The following LAMA2 variants were observed in gnomAD, a reference collection of about 807,000 sequenced individuals.
LAMA2 encodes laminin subunit alpha 2.
In LAMA2, 269 loss-of-function variants were observed where a neutral mutation model predicts 364.8. That is an observed-to-expected ratio of 0.74 (90% CI 0.67 to 0.82). The LOEUF is 0.82. LAMA2 is among the 40% of genes least tolerant of loss of function. The probability of loss-of-function intolerance (pLI) is 0.00; values close to 1 mark genes in which losing one functional copy is unlikely to be tolerated. For synonymous variants in LAMA2, 1,379 were observed against 1,370.6 expected (o/e 1.01, Z -0.14); for missense variants, 3,807 against 3,873.2 (o/e 0.98, Z 0.45).
At chr6:128,903,357 T>C (rs1261543049) in intron 1 of LAMA2, among the ~76,000 whole-genome samples, 2 of 152,208 alleles carry the variant, frequency 1.3e-5, no homozygotes, top group East Asian at 1.9e-4. Flanking sequence ...TTAGTGTCTT[T>C]GTACATTCTG....
chr6:129,466,484 A>AT (rs1375539185), intron 51 of LAMA2, among the ~76,000 whole-genome samples: 1 of 151,964 alleles, frequency 6.6e-6, no homozygotes, highest in East Asian at 1.9e-4. Flanking sequence ...AGGAAACTCT[A>AT]GAGAAACCTC....
rs183968739 is a variant in LAMA2 at position 128,914,464 on chromosome 6, C to G, written c.112+31107C>G. Among the ~76,000 whole-genome samples, 1,399 of 152,288 alleles carry G rather than the reference C, an allele frequency of 9.2e-3. 39 individuals carry two copies. Among genetic ancestry groups the G allele is most frequent in the Admixed American group, 0.055 (840 of 15,284 alleles). ...TTGTATTATTTAACTGTGTAATCCT[C>G]TATCTCATATATATGTAATACTTTC... On this transcript the variant is annotated intron_variant, in intron 1 of 64. Coordinates refer to ENST00000421865, the MANE Select transcript of LAMA2 (RefSeq NM_000426.4).
intron 12 of LAMA2, among the ~76,000 whole-genome samples, chr6:129,210,220 A>G (rs949955931): frequency 6.6e-6 from 1 of 152,114 alleles, no homozygotes; most frequent in African/African-American, 2.4e-5. Flanking sequence ...AGGCTTTAAA[A>G]AAACAAACAA....
intron 48 of LAMA2, among the ~76,000 whole-genome samples, chr6:129,457,274 G>T (rs908308280): frequency 2.0e-5 from 3 of 152,084 alleles, no homozygotes; most frequent in Non-Finnish European, 2.9e-5. Context: ...TAAAGTATGA[G>T]AATTTATTCC....
At chr6:129,339,208 T>C (rs1776121396) in intron 29 of LAMA2, among the ~76,000 whole-genome samples, 1 of 152,096 alleles carries the variant, frequency 6.6e-6, no homozygotes, top group Non-Finnish European at 1.5e-5. Flanking sequence ...AGTGGCCAGA[T>C]GAAAATAGTA....
At chr6:129,372,763 C>T (rs907827164) in intron 34 of LAMA2, among the ~76,000 whole-genome samples, 2 of 152,178 alleles carry the variant, frequency 1.3e-5, no homozygotes, top group African/African-American at 2.4e-5. Context: ...GCATTCCCAC[C>T]GGCAATAAAT....
chr6:129,448,176 T>C (rs1421679029), intron 45 of LAMA2, among the ~76,000 whole-genome samples: 1 of 152,056 alleles, frequency 6.6e-6, no homozygotes, highest in East Asian at 1.9e-4. Context: ...TCCCAGCTAC[T>C]TGGGGAGATG....
At chr6:129,481,598 C>T (rs914207955) in intron 55 of LAMA2, among the ~76,000 whole-genome samples, 159 bp downstream of exon 55, 4 of 152,158 alleles carry the variant, frequency 2.6e-5, no homozygotes, top group Non-Finnish European at 5.9e-5. Flanking sequence ...CTATTTCACT[C>T]ACATCATCTC....
At chr6:129,475,545 T>C in intron 53 of LAMA2, 144 bp downstream of exon 53, 1 of 607,968 alleles carries the variant, frequency 1.6e-6, no homozygotes, top group Non-Finnish European at 2.9e-6. Context: ...GTGCATTCTG[T>C]GAGAGTTCTC....
At chr6:129,125,256 A>G (rs1388620546) in intron 4 of LAMA2, among the ~76,000 whole-genome samples, 1 of 152,206 alleles carries the variant, frequency 6.6e-6, no homozygotes, top group African/African-American at 2.4e-5. Context: ...AGCATTGCAT[A>G]TGTTAACTGA....
intron 1 of LAMA2, among the ~76,000 whole-genome samples, chr6:128,884,565 T>C (rs907110385): frequency 1.3e-5 from 2 of 152,186 alleles, no homozygotes; most frequent in Non-Finnish European, 2.9e-5. Flanking sequence ...GCTCTTTCTA[T>C]AATAATAACT....
At chr6:129,353,465 CAAT>C (rs1776977190) in intron 32 of LAMA2, 108 bp downstream of exon 32, 5 of 769,884 alleles carry the variant, frequency 6.5e-6, no homozygotes, top group South Asian at 6.2e-5. Flanking sequence ...TTTTTTTTTG[CAAT>C]AGTTATACTC....
At chr6:129,270,357 GAAGT>G (rs1787838191) in intron 16 of LAMA2, among the ~76,000 whole-genome samples, 1 of 150,670 alleles carries the variant, frequency 6.6e-6, no homozygotes, top group Non-Finnish European at 1.5e-5. Flanking sequence ...AAGAAAAAAT[GAAGT>G]AAGATTTGCA....
chr6:129,300,894 T>A, intron 22 of LAMA2, 22 bp downstream of exon 22: 1 of 1,613,392 alleles, frequency 6.2e-7, no homozygotes, highest in Admixed American at 1.7e-5. Context: ...ACTTTTTTGC[T>A]CTGATAATTT....
At chr6:129,097,377 A>C (rs924513596) in intron 3 of LAMA2, among the ~76,000 whole-genome samples, 7 of 152,204 alleles carry the variant, frequency 4.6e-5, no homozygotes, top group Non-Finnish European at 8.8e-5. Flanking sequence ...CAAAACATCT[A>C]GAATATTTCT....
chr6:129,320,846 A>G (rs1366510166), intron 28 of LAMA2, among the ~76,000 whole-genome samples, 191 bp downstream of exon 28: 1 of 152,248 alleles, frequency 6.6e-6, no homozygotes, highest in Non-Finnish European at 1.5e-5. Context: ...GAAGGGAAAT[A>G]GTTGATCAAA....
In LAMA2 at chr6:129,427,860, T is replaced by C; in HGVS notation, c.5968+6T>C. 1.3e-6 allele frequency: 2 copies of C among 1,573,710 alleles called. No individual in the cohort carries two copies. Among genetic ancestry groups the C allele is most frequent in the Non-Finnish European group, 1.7e-6 (2 of 1,143,474 alleles). On this transcript the variant is annotated splice_donor_region_variant and intron_variant, in intron 41 of 64. Transcript: ENST00000421865. Reference sequence around the variant, plus strand: ...GTTAGCAAATGATGTAAAAGGTCAGTGTGGCCATAGTTTTTATTATATTCC... The same window carrying C: ...GTTAGCAAATGATGTAAAAGGTCAGCGTGGCCATAGTTTTTATTATATTCC...
intron 12 of LAMA2, among the ~76,000 whole-genome samples, chr6:129,202,187 CAAAAA>C (rs776190977): frequency 5.6e-3 from 347 of 62,156 alleles, no homozygotes; most frequent in African/African-American, 0.019. Context: ...GAGTCTGTCT[CAAAAA>C]AAAAAAAAAA....
At chr6:128,921,707 T>TA (rs1554324927) in intron 1 of LAMA2, among the ~76,000 whole-genome samples, 10 of 128,426 alleles carry the variant, frequency 7.8e-5, no homozygotes, top group African/African-American at 3.8e-4. Flanking sequence ...GTTTTTTTTT[T>TA]TTTTTTATTA....
Sources: allele counts gnomAD v4.1 joint callset (sites outside exome capture counted in the v4.1 genomes callset), GRCh38; gene constraint gnomAD v4.1.1; transcripts MANE v1.5; gene names NCBI Gene and HGNC (gene_info 2026-07-23, HGNC 2026-07-21).